STARD13: variants seen among roughly 807,000 people sequenced by gnomAD.
The protein encoded by STARD13 is stAR-related lipid transfer protein 13.
In STARD13, 62 loss-of-function variants were observed where a neutral mutation model predicts 106.4. That is an observed-to-expected ratio of 0.58 (90% CI 0.48 to 0.72). The LOEUF is 0.72. STARD13 is among the 30% of genes least tolerant of loss of function. The probability of loss-of-function intolerance (pLI) is 0.00; values close to 1 mark genes in which losing one functional copy is unlikely to be tolerated. For synonymous variants in STARD13, 565 were observed against 553.0 expected, an observed-to-expected ratio of 1.02 and a Z score of -0.31; for missense variants, 1,387 against 1,424.0, an observed-to-expected ratio of 0.97 and a Z score of 0.42.
chr13:33,184,693 T>C (rs924964480), intron 1 of STARD13, among the ~76,000 whole-genome samples: 2 of 152,244 alleles, frequency 1.3e-5, no homozygotes, highest in African/African-American at 4.8e-5. Context: ...GAGCATTTAG[T>C]TTACTGCTGC....
At position 33,154,576 on chromosome 13, in the gene STARD13, A is replaced by G. The variant is rs542922772; in HGVS notation, c.323+10761T>C. ...AGGAAGAACATAGGCTCTCTTGGCT[A>G]TTCAATAAAAAGTGATGGCCAAAGT... On this transcript the variant is annotated intron_variant, in intron 3 of 13. Transcript: ENST00000336934. Among the ~76,000 whole-genome samples the G allele has an allele frequency of 3.2e-4, 49 of 152,298 alleles. No homozygotes were observed. In the East Asian group the frequency reaches 8.9e-3, roughly 28 times the overall value.
chr13:33,236,364 G>C (rs1194110264), intron 1 of STARD13, among the ~76,000 whole-genome samples: 1 of 152,216 alleles, frequency 6.6e-6, no homozygotes, highest in African/African-American at 2.4e-5. Context: ...GAATAAGGAA[G>C]GACCAGGTGC....
At chr13:33,107,851 A>G (rs1873980913) in intron 12 of STARD13, among the ~76,000 whole-genome samples, 1 of 152,100 alleles carries the variant, frequency 6.6e-6, no homozygotes. Context: ...CCAGGGATCT[A>G]TCATAATAGA....
chr13:33,126,912 C>G (rs1877257460), intron 6 of STARD13, among the ~76,000 whole-genome samples: 1 of 152,122 alleles, frequency 6.6e-6, no homozygotes, highest in Non-Finnish European at 1.5e-5. Context: ...ACAAGGTTTA[C>G]TGCATATTCT....
At chr13:33,212,968 C>G (rs1489995131) in intron 1 of STARD13, among the ~76,000 whole-genome samples, 1 of 152,202 alleles carries the variant, frequency 6.6e-6, no homozygotes, top group East Asian at 1.9e-4. Context: ...TACCCCTTAT[C>G]TCTGCTACGT....
chr13:33,676,181 A>G, the STARD13 span, among the ~76,000 whole-genome samples: 292 of 152,278 alleles, frequency 1.9e-3, 2 homozygotes, highest in African/African-American at 6.6e-3. Context: ...AGCAGTGCCA[A>G]TGAAGTTGTA....
chr13:33,250,265 C>G (rs936245909), intron 1 of STARD13, among the ~76,000 whole-genome samples: 6 of 152,234 alleles, frequency 3.9e-5, no homozygotes, highest in South Asian at 2.1e-4. Context: ...CTTTGGGGGG[C>G]CAATTATCTC....
the STARD13 span, among the ~76,000 whole-genome samples, chr13:33,471,668 A>C: frequency 1.3e-5 from 2 of 151,336 alleles, no homozygotes; most frequent in Non-Finnish European, 2.9e-5. Flanking sequence ...GGGGGAAAAA[A>C]GTCACATGGC....
chr13:33,528,628 T>G, the STARD13 span, among the ~76,000 whole-genome samples: 1 of 152,036 alleles, frequency 6.6e-6, no homozygotes, highest in Non-Finnish European at 1.5e-5. Context: ...TAATCTCAGA[T>G]CTTCCTATAA....
chr13:33,364,468 A>G, the STARD13 span, among the ~76,000 whole-genome samples: 1 of 152,242 alleles, frequency 6.6e-6, no homozygotes, highest in East Asian at 1.9e-4. Context: ...TCATGAATTT[A>G]ACGTGCAAGT....
chr13:33,238,817 C>T (rs976555525), intron 1 of STARD13, among the ~76,000 whole-genome samples: 1 of 151,812 alleles, frequency 6.6e-6, no homozygotes, highest in Admixed American at 6.6e-5. Flanking sequence ...CTATGATATC[C>T]CCATGAGGTA....
the STARD13 span, among the ~76,000 whole-genome samples, chr13:33,363,864 G>A: frequency 6.6e-6 from 1 of 152,166 alleles, no homozygotes; most frequent in South Asian, 2.1e-4. Context: ...ATTGAAAACT[G>A]GGGCTGCAGA....
intron 1 of STARD13, among the ~76,000 whole-genome samples, chr13:33,199,731 A>T (rs1234396217): frequency 2.0e-5 from 3 of 152,214 alleles, no homozygotes; most frequent in South Asian, 4.1e-4. Context: ...AAGAACACTA[A>T]TCAGGATGCC....
intron 1 of STARD13, among the ~76,000 whole-genome samples, chr13:33,204,864 C>T (rs987555381): frequency 4.6e-5 from 7 of 152,188 alleles, no homozygotes; most frequent in Non-Finnish European, 7.3e-5. Context: ...TCTACTTTGG[C>T]GAGTTTACAG....
At chr13:33,587,863 T>C in the STARD13 span, among the ~76,000 whole-genome samples, 1 of 152,192 alleles carries the variant, frequency 6.6e-6, no homozygotes, top group South Asian at 2.1e-4. Context: ...TAAAAAGAAG[T>C]GTATAAAAAT....
intron 1 of STARD13, among the ~76,000 whole-genome samples, chr13:33,173,856 A>G (rs1884239369): frequency 6.6e-6 from 1 of 152,198 alleles, no homozygotes; most frequent in East Asian, 1.9e-4. Context: ...AACCTGGAAG[A>G]CCCGTATAGA....
intron 1 of STARD13, among the ~76,000 whole-genome samples, chr13:33,252,481 C>T (rs1890137182): frequency 6.6e-6 from 1 of 152,204 alleles, no homozygotes; most frequent in African/African-American, 2.4e-5. Context: ...CTTCCGCATA[C>T]TTTCAAATGG....
chr13:33,298,452 T>C (rs1892587298), intron 1 of STARD13, among the ~76,000 whole-genome samples: 1 of 151,966 alleles, frequency 6.6e-6, no homozygotes, highest in Admixed American at 6.6e-5. Context: ...CTACACTTAA[T>C]GCCACAGAAC....
chr13:33,501,831 T>C, the STARD13 span, among the ~76,000 whole-genome samples: 2 of 152,220 alleles, frequency 1.3e-5, no homozygotes, highest in African/African-American at 4.8e-5. Flanking sequence ...AGCTTTGTTC[T>C]TTTGGCTTAG....
Sources: gnomAD v4.1 joint callset for allele counts (sites outside exome capture counted in the v4.1 genomes callset) on GRCh38, gnomAD v4.1.1 for gene constraint, MANE v1.5 for transcripts, NCBI Gene and HGNC (gene_info 2026-07-23, HGNC 2026-07-21) for gene names.